Variants in ABCB1 observed in about 807,000 individuals in gnomAD.
The protein encoded by ABCB1 is ATP binding cassette subfamily B member 1, also known as ATP-dependent translocase ABCB1.
ABCB1 carries 69 observed loss-of-function variants against 142.0 expected under a neutral mutation model. That is an observed-to-expected ratio of 0.49 (90% CI 0.40 to 0.59). ABCB1 has a LOEUF of 0.59. ABCB1 is among the 20% of genes least tolerant of loss of function. The probability of loss-of-function intolerance (pLI) is 0.00; values close to 1 mark genes in which losing one functional copy is unlikely to be tolerated. For synonymous variants in ABCB1, 532 were observed against 539.2 expected, an observed-to-expected ratio of 0.99 and a Z score of 0.18; for missense variants, 1,326 against 1,554.7, an observed-to-expected ratio of 0.85 and a Z score of 2.47.
intron 1 of ABCB1, among the ~76,000 whole-genome samples, chr7:87,706,757 G>T (rs1829627894): frequency 6.6e-6 from 1 of 152,138 alleles, no homozygotes; most frequent in Non-Finnish European, 1.5e-5. Flanking sequence ...GCTTGGAACT[G>T]CCACTGAACA....
At chr7:87,557,412 C>G (rs1163957920) in intron 8 of ABCB1, among the ~76,000 whole-genome samples, 1 of 152,198 alleles carries the variant, frequency 6.6e-6, no homozygotes, top group East Asian at 1.9e-4. Context: ...AAATGGCCAA[C>G]TTGGGAAGGA....
intron 21 of ABCB1, among the ~76,000 whole-genome samples, chr7:87,529,786 C>A (rs899515519): frequency 6.6e-6 from 1 of 152,210 alleles, no homozygotes; most frequent in African/African-American, 2.4e-5. Flanking sequence ...AGAGTCAACA[C>A]CATGGGGGAG....
At chr7:87,700,330 C>G (rs1194905017) in intron 1 of ABCB1, 1 of 1,139,800 alleles carries the variant, frequency 8.8e-7, no homozygotes, top group Non-Finnish European at 1.2e-6. Flanking sequence ...ACTATATTAC[C>G]TTTATTTTTC....
intron 1 of ABCB1, among the ~76,000 whole-genome samples, chr7:87,626,522 CATATATATG>C (rs1820591254): frequency 8.8e-5 from 1 of 11,392 alleles, no homozygotes. Flanking sequence ...ATATATGTGT[CATATATATG>C]TGTCATATAT....
intron 1 of ABCB1, among the ~76,000 whole-genome samples, chr7:87,642,324 T>C (rs1822540154): frequency 6.6e-6 from 1 of 152,120 alleles, no homozygotes; most frequent in African/African-American, 2.4e-5. Context: ...CTATATGTTA[T>C]GGTTTTTTTC....
intron 1 of ABCB1, among the ~76,000 whole-genome samples, chr7:87,615,236 CA>C (rs1321645370): frequency 6.6e-6 from 1 of 152,184 alleles, no homozygotes. Context: ...CTATAATCCC[CA>C]AAAGCCTCTA....
At chr7:87,652,454 C>G (rs1235383879) in intron 1 of ABCB1, among the ~76,000 whole-genome samples, 1 of 151,856 alleles carries the variant, frequency 6.6e-6, no homozygotes, top group African/African-American at 2.4e-5. Flanking sequence ...AATGTTATTT[C>G]TGAATAATAC....
intron 3 of ABCB1, among the ~76,000 whole-genome samples, chr7:87,592,695 C>T (rs2129965322): frequency 6.6e-6 from 1 of 152,284 alleles, no homozygotes; most frequent in East Asian, 1.9e-4. Flanking sequence ...TCAAGTTCTT[C>T]ATCTGGAACA....
At chr7:87,614,226 T>A (rs947278889) in intron 1 of ABCB1, among the ~76,000 whole-genome samples, 1 of 152,106 alleles carries the variant, frequency 6.6e-6, no homozygotes, top group African/African-American at 2.4e-5. Flanking sequence ...TGAGACCCTG[T>A]CTCTAAAGAA....
At chr7:87,713,021 C>G (rs1830226009) in intron 1 of ABCB1, 1 of 152,152 alleles carries the variant, frequency 6.6e-6, no homozygotes. Flanking sequence ...CCTATTTACA[C>G]TAATTTTTTT....
chr7:87,521,644 A>G, intron 21 of ABCB1: 1 of 811,704 alleles, frequency 1.2e-6, no homozygotes. Flanking sequence ...TGGGTTTGTC[A>G]CATATGCCAC....
chr7:87,635,615 A>G, intron 1 of ABCB1, among the ~76,000 whole-genome samples: 1 of 152,260 alleles, frequency 6.6e-6, no homozygotes, highest in Admixed American at 6.5e-5. Context: ...TTCTTTTAAT[A>G]TAAATTTTTA....
chr7:87,677,466 A>C (rs1254923901), intron 1 of ABCB1, among the ~76,000 whole-genome samples: 1 of 152,162 alleles, frequency 6.6e-6, no homozygotes, highest in Non-Finnish European at 1.5e-5. Flanking sequence ...ATGGAGCCTA[A>C]AAATAGTCAA....
Position 87,549,899 on chromosome 7 carries a change from T to G in ABCB1, c.1506A>C (p.Lys502Asn). 1 of 1,614,182 alleles carries G rather than the reference T, an allele frequency of 6.2e-7. No homozygotes were observed. Among genetic ancestry groups the G allele is most frequent in the Non-Finnish European group, 8.5e-7 (1 of 1,180,032 alleles). ...CATAGGCATTGGCTTCCTTGACAGC[T>G]TTCTCAATCTCATCCATGGTGACAT... is the stretch of plus-strand genomic sequence containing the variant. ...RENVTMDEIEKAVKEANAYDF... is the reference protein window; with the variant it reads ...RENVTMDEIENAVKEANAYDF... The change falls in exon 13 of 28, where the codon AAA (lysine) becomes AAC (asparagine). Residue 502 changes from lysine to asparagine, a missense_variant. Coordinates refer to ENST00000622132, the MANE Select transcript of ABCB1 (RefSeq NM_001348946.2).
At position 87,550,473 on chromosome 7, in the gene ABCB1, C is replaced by G. The variant is rs140214314; in HGVS notation, c.1219G>C (p.Val407Leu). Residue 407 changes from valine to leucine, a missense_variant, in exon 11 of 28, where the codon GTT (valine) becomes CTT (leucine). Val to Leu is a conservative substitution (Grantham distance 32). Coordinates refer to ENST00000622132, the MANE Select transcript of ABCB1 (RefSeq NM_001348946.2). ...TTAATCATTTATCACTGTACCTTAA[C>G]TTCTTTTCGAGATGGGTAACTGAAG... Reference protein sequence around the residue: ...VHFSYPSRKEVKILKGLNLKV... With the variant: ...VHFSYPSRKELKILKGLNLKV... 1.2e-6 allele frequency: 2 copies of G among 1,612,360 alleles called. No individual in the cohort carries two copies. The highest frequency in any genetic ancestry group is 1.7e-6 in the Non-Finnish European group (2 of 1,179,442).
At chr7:87,707,008 A>G (rs1377018545) in intron 1 of ABCB1, among the ~76,000 whole-genome samples, 1 of 152,314 alleles carries the variant, frequency 6.6e-6, no homozygotes, top group East Asian at 1.9e-4. Flanking sequence ...CCCCTGAAAG[A>G]CAATATCTTT....
intron 14 of ABCB1, among the ~76,000 whole-genome samples, chr7:87,546,867 T>G (rs1007232225): frequency 2.0e-5 from 3 of 152,214 alleles, no homozygotes; most frequent in Non-Finnish European, 4.4e-5. Flanking sequence ...AGACTCAATT[T>G]ATTCATATGT....
chr7:87,622,118 G>T (rs892241079), intron 1 of ABCB1, among the ~76,000 whole-genome samples: 4 of 152,032 alleles, frequency 2.6e-5, no homozygotes, highest in African/African-American at 7.2e-5. Flanking sequence ...AAATATTGAT[G>T]AATTTCATTT....
intron 23 of ABCB1, 66 bp from the exon 24 acceptor site, chr7:87,516,731 C>A: frequency 6.2e-6 from 5 of 804,614 alleles, no homozygotes; most frequent in South Asian, 1.8e-5. Flanking sequence ...GCTGACACTC[C>A]TTTTTTTTTT....
Sources: gnomAD v4.1 joint callset for allele counts (sites outside exome capture counted in the v4.1 genomes callset) on GRCh38, gnomAD v4.1.1 for gene constraint, MANE v1.5 for transcripts, NCBI Gene and HGNC (gene_info 2026-07-23, HGNC 2026-07-21) for gene names.